GARIN3: variants seen among roughly 807,000 people sequenced by gnomAD.
GARIN3 encodes the protein golgi associated RAB2 interactor family member 3.
chr5:157,165,540 T>C, the GARIN3 span: 5 of 1,583,498 alleles, frequency 3.2e-6, no homozygotes, highest in South Asian at 2.3e-5. Context: ...TGCCCCATGT[T>C]CTCGAGCCTT....
At chr5:157,162,974 T>C in the GARIN3 span, 11 of 1,614,110 alleles carry the variant, frequency 6.8e-6, no homozygotes, top group African/African-American at 1.3e-5. Flanking sequence ...TTTTCTCTTC[T>C]TTCCTTGTTT....
the GARIN3 span, chr5:157,163,036 T>C: frequency 6.2e-7 from 1 of 1,614,288 alleles, no homozygotes; most frequent in Non-Finnish European, 8.5e-7. Flanking sequence ...TCCATCTCGT[T>C]CACTCATGTA....
At chr5:157,164,787 T>A in the GARIN3 span, among the ~76,000 whole-genome samples, 1 of 151,954 alleles carries the variant, frequency 6.6e-6, no homozygotes, top group Non-Finnish European at 1.5e-5. Flanking sequence ...AAGAAAGACT[T>A]CTTCATTGTT....
the GARIN3 span, chr5:157,163,577 C>G: frequency 2.5e-6 from 4 of 1,614,008 alleles, no homozygotes; most frequent in Non-Finnish European, 3.4e-6. Context: ...CCAGCATAAG[C>G]AGAAGAGGTG....
chr5:157,163,784 G>A, the GARIN3 span: 1 of 1,269,964 alleles, frequency 7.9e-7, no homozygotes, highest in East Asian at 2.4e-5. Context: ...GGTCGGGTGT[G>A]GTGGCTCACG....
the GARIN3 span, chr5:157,166,179 G>C: frequency 6.3e-7 from 1 of 1,590,048 alleles, no homozygotes; most frequent in African/African-American, 1.3e-5. Context: ...GGTTCTCTTC[G>C]TTTAAGACAG....
chr5:157,164,340 T>C, the GARIN3 span, among the ~76,000 whole-genome samples: 1 of 151,952 alleles, frequency 6.6e-6, no homozygotes, highest in Non-Finnish European at 1.5e-5. Context: ...TTAGTAGAGA[T>C]GAGGTTTCAC....
chr5:157,164,057 G>GT, the GARIN3 span, among the ~76,000 whole-genome samples: 3 of 149,466 alleles, frequency 2.0e-5, no homozygotes, highest in Non-Finnish European at 4.4e-5. Flanking sequence ...GTGAGACACT[G>GT]TTTAAAAAAA....
the GARIN3 span, chr5:157,162,905 G>A: frequency 3.7e-6 from 6 of 1,614,022 alleles, no homozygotes; most frequent in East Asian, 4.5e-5. Flanking sequence ...GCTCTCCTGC[G>A]GTGACTTTCA....
At chr5:157,164,651 A>T in the GARIN3 span, among the ~76,000 whole-genome samples, 1 of 152,136 alleles carries the variant, frequency 6.6e-6, no homozygotes, top group Non-Finnish European at 1.5e-5. Flanking sequence ...CAGTCAAGGG[A>T]TACACTCACT....
the GARIN3 span, among the ~76,000 whole-genome samples, chr5:157,164,874 G>T: frequency 6.6e-6 from 1 of 152,044 alleles, no homozygotes; most frequent in Admixed American, 6.6e-5. Flanking sequence ...ATAAAAATTA[G>T]TTGGACGTGG....
the GARIN3 span, chr5:157,166,065 C>G: frequency 6.2e-7 from 1 of 1,614,222 alleles, no homozygotes. Flanking sequence ...GTACTCTCCT[C>G]TGTTGTACAA....
At chr5:157,163,340 CTT>C in the GARIN3 span, 1 of 1,614,150 alleles carries the variant, frequency 6.2e-7, no homozygotes, top group Middle Eastern at 1.6e-4. Context: ...GCTGTGGTCA[CTT>C]GACCTGGGCC....
chr5:157,165,450 T>C, the GARIN3 span: 2 of 1,482,688 alleles, frequency 1.3e-6, no homozygotes, highest in Non-Finnish European at 1.8e-6. Context: ...CCCTTGCACA[T>C]GCAATACTTT....
At chr5:157,164,067 A>C in the GARIN3 span, among the ~76,000 whole-genome samples, 4 of 151,156 alleles carry the variant, frequency 2.6e-5, no homozygotes, top group Non-Finnish European at 5.9e-5. Context: ...GTTTAAAAAA[A>C]AGAAAGAAAG....
the GARIN3 span, chr5:157,162,440 C>T: frequency 6.2e-7 from 1 of 1,611,246 alleles, no homozygotes. Flanking sequence ...GTAGCCCTGG[C>T]TCCTCTTTAA....
the GARIN3 span, among the ~76,000 whole-genome samples, chr5:157,164,812 G>A: frequency 6.6e-6 from 1 of 151,654 alleles, no homozygotes; most frequent in Non-Finnish European, 1.5e-5. Flanking sequence ...ATATGGCACA[G>A]CACTTTAGTG....
chr5:157,165,519 C>T, the GARIN3 span: 4 of 1,556,608 alleles, frequency 2.6e-6, no homozygotes, highest in Non-Finnish European at 3.5e-6. Context: ...GAACTGCTCC[C>T]CCAAAGAACC....
At chr5:157,166,239 A>G in the GARIN3 span, 1 of 1,547,770 alleles carries the variant, frequency 6.5e-7, no homozygotes, top group Non-Finnish European at 8.7e-7. Context: ...AGAGAAGGTA[A>G]CTGCCCATCT....
Sources: gnomAD v4.1 joint callset for allele counts (sites outside exome capture counted in the v4.1 genomes callset) on GRCh38, gnomAD v4.1.1 for gene constraint, MANE v1.5 for transcripts, NCBI Gene and HGNC (gene_info 2026-07-23, HGNC 2026-07-21) for gene names.